Variants in FTCDNL1 observed in about 807,000 individuals in gnomAD.
FTCDNL1 encodes formiminotransferase cyclodeaminase N-terminal like.
In FTCDNL1, 11 loss-of-function variants were observed where a neutral mutation model predicts 5.9. The ratio of observed to expected loss-of-function variants is 1.87; its 90% CI spans 1.18 to 3.10. FTCDNL1 has a LOEUF of 3.10. Among genes scored for constraint, FTCDNL1 ranks in the 30% most tolerant of loss-of-function variants. FTCDNL1 has a pLI of 0.00. For synonymous variants in FTCDNL1, 58 were observed against 24.8 expected, an observed-to-expected ratio of 2.34 and a Z score of -3.99; for missense variants, 115 against 65.5, an observed-to-expected ratio of 1.76 and a Z score of -2.61.
rs1700970887 is a variant in FTCDNL1 at position 199,810,397 on chromosome 2, G to T, written c.*2308C>A. On this transcript the variant is annotated 3_prime_UTR_variant, in exon 5 of 5. Transcript: ENST00000420128. ...AGGGACTCACGTGTTTTGTGATGAT[G>T]TGAGTTTGGCAGGGTTTGGAGCCAA... 6.6e-6 allele frequency among the ~76,000 whole-genome samples: 1 copy of T among 152,240 alleles called. No homozygotes were observed. Among genetic ancestry groups the T allele is most frequent in the Non-Finnish European group, 1.5e-5 (1 of 68,028 alleles).
intron 3 of FTCDNL1, among the ~76,000 whole-genome samples, chr2:199,784,278 TG>T (rs1699524704): frequency 6.6e-6 from 1 of 152,168 alleles, no homozygotes; most frequent in African/African-American, 2.4e-5. Context: ...TACACTCAAA[TG>T]CCTGAGATAC....
At chr2:199,696,146 A>G in the FTCDNL1 span, among the ~76,000 whole-genome samples, 1 of 152,118 alleles carries the variant, frequency 6.6e-6, no homozygotes, top group Non-Finnish European at 1.5e-5. Flanking sequence ...CCACTTTTCC[A>G]GGGCACACAC....
the FTCDNL1 span, among the ~76,000 whole-genome samples, chr2:199,695,641 A>G: frequency 2.6e-5 from 4 of 152,080 alleles, no homozygotes; most frequent in African/African-American, 4.8e-5. Flanking sequence ...GGTGACTTGA[A>G]TGAGTGTAGA....
At chr2:199,732,283 G>C in the FTCDNL1 span, among the ~76,000 whole-genome samples, 1 of 152,076 alleles carries the variant, frequency 6.6e-6, no homozygotes, top group African/African-American at 2.4e-5. Flanking sequence ...TGTCCTCCAG[G>C]AAATTTCTAT....
At chr2:199,724,822 G>GT in the FTCDNL1 span, among the ~76,000 whole-genome samples, 2 of 151,964 alleles carry the variant, frequency 1.3e-5, no homozygotes, top group African/African-American at 2.4e-5. Context: ...CAAGTTTAGA[G>GT]TAAGTGCCAT....
chr2:199,812,788 T>C, intron 4 of FTCDNL1, 64 bp from the exon 5 acceptor site: 1 of 676,772 alleles, frequency 1.5e-6, no homozygotes, highest in South Asian at 1.6e-5. Context: ...AATGAAAAAT[T>C]TATCATTCTA....
At chr2:199,791,575 C>T (rs960016860) in intron 3 of FTCDNL1, among the ~76,000 whole-genome samples, 9 of 152,188 alleles carry the variant, frequency 5.9e-5, no homozygotes, top group South Asian at 4.2e-4. Flanking sequence ...AGCTCCCACA[C>T]GTACAATCAA....
intron 3 of FTCDNL1, among the ~76,000 whole-genome samples, chr2:199,796,487 A>G (rs933649942): frequency 6.6e-6 from 1 of 152,208 alleles, no homozygotes; most frequent in Non-Finnish European, 1.5e-5. Context: ...ATTGTATACC[A>G]CTTTAAATTA....
At chr2:199,718,460 C>A in the FTCDNL1 span, among the ~76,000 whole-genome samples, 1 of 152,092 alleles carries the variant, frequency 6.6e-6, no homozygotes, top group Non-Finnish European at 1.5e-5. Flanking sequence ...CTGATGGACA[C>A]GTAGGTTGAT....
chr2:199,779,525 T>A (rs1050310103), intron 3 of FTCDNL1, among the ~76,000 whole-genome samples: 1 of 151,840 alleles, frequency 6.6e-6, no homozygotes, highest in African/African-American at 2.4e-5. Flanking sequence ...ACCTTCCACA[T>A]GTGCACTCAT....
the FTCDNL1 span, among the ~76,000 whole-genome samples, chr2:199,744,056 G>A: frequency 2.6e-5 from 4 of 152,016 alleles, no homozygotes; most frequent in East Asian, 5.8e-4. Flanking sequence ...TAGTAATAAT[G>A]GTGCTCTAAA....
intron 3 of FTCDNL1, among the ~76,000 whole-genome samples, chr2:199,837,166 C>T (rs140666263): frequency 6.6e-6 from 1 of 152,292 alleles, no homozygotes; most frequent in African/African-American, 2.4e-5. Flanking sequence ...CAGCCTGTGG[C>T]AATATGCATT....
the FTCDNL1 span, among the ~76,000 whole-genome samples, chr2:199,709,916 C>G: frequency 6.9e-5 from 10 of 145,436 alleles, no homozygotes; most frequent in East Asian, 1.7e-3. Context: ...TTGTCCCATT[C>G]ATATATTTGT....
chr2:199,708,080 G>A, the FTCDNL1 span, among the ~76,000 whole-genome samples: 1 of 150,418 alleles, frequency 6.6e-6, no homozygotes, highest in Admixed American at 6.7e-5. Flanking sequence ...GTTTAATATT[G>A]TCATATCACT....
At chr2:199,683,950 T>C in the FTCDNL1 span, among the ~76,000 whole-genome samples, 1 of 152,230 alleles carries the variant, frequency 6.6e-6, no homozygotes, top group Non-Finnish European at 1.5e-5. Context: ...TGTTCTCTCT[T>C]GTAGGTGCCC....
At chr2:199,796,436 T>C (rs987945773) in intron 3 of FTCDNL1, among the ~76,000 whole-genome samples, 1 of 152,198 alleles carries the variant, frequency 6.6e-6, no homozygotes, top group African/African-American at 2.4e-5. Flanking sequence ...GTACCGTCAC[T>C]GAAGTCAAAA....
At chr2:199,828,632 T>G (rs1702175584) in intron 3 of FTCDNL1, among the ~76,000 whole-genome samples, 1 of 152,240 alleles carries the variant, frequency 6.6e-6, no homozygotes, top group Non-Finnish European at 1.5e-5. Context: ...TGTTAGAATA[T>G]TCTACAGCTT....
At chr2:199,845,590 T>C (rs924047852) in intron 3 of FTCDNL1, among the ~76,000 whole-genome samples, 16 of 151,964 alleles carry the variant, frequency 1.1e-4, no homozygotes, top group African/African-American at 3.6e-4. Flanking sequence ...AAAGATAATC[T>C]GTCCTATGCT....
rs753107980 is a variant in FTCDNL1, at chr2:199,810,732, AC to A, written c.*1972del. ...TTTGCAGTTTCCTCATTTTTGGGGA[AC>A]CTTACATTTCTAAAAGCAAAGTTAA... On this transcript the variant is annotated 3_prime_UTR_variant, in exon 5 of 5. Transcript: ENST00000420128. Among the ~76,000 whole-genome samples the A allele has an allele frequency of 5.9e-5, 9 of 152,344 alleles. No homozygotes were observed. In the South Asian group the frequency reaches 1.9e-3, roughly 32 times the overall value.
Sources: gnomAD v4.1 joint callset for allele counts (sites outside exome capture counted in the v4.1 genomes callset) on GRCh38, gnomAD v4.1.1 for gene constraint, MANE v1.5 for transcripts, NCBI Gene and HGNC (gene_info 2026-07-23, HGNC 2026-07-21) for gene names.